Variants in NEGR1 observed in about 807,000 individuals in gnomAD.
NEGR1 encodes the protein neuronal growth regulator 1.
NEGR1 carries 10 observed loss-of-function variants against 40.9 expected under a neutral mutation model. The ratio of observed to expected loss-of-function variants is 0.24; its 90% CI spans 0.15 to 0.42. The LOEUF is 0.42. Ranked by LOEUF, NEGR1 falls within the 10% of genes least tolerant of loss-of-function variation. The probability of loss-of-function intolerance (pLI) is 1.00; values close to 1 mark genes in which losing one functional copy is unlikely to be tolerated. For synonymous variants in NEGR1, 185 were observed against 166.8 expected (o/e 1.11, Z -0.84); for missense variants, 352 against 438.9 (o/e 0.80, Z 1.77).
intron 3 of NEGR1, among the ~76,000 whole-genome samples, chr1:71,738,864 C>T (rs560420244): frequency 1.3e-5 from 2 of 152,176 alleles, no homozygotes; most frequent in East Asian, 1.9e-4. Flanking sequence ...AATGTTTATA[C>T]ATTGTATGTA....
chr1:72,274,130 G>A (rs1156654277), intron 1 of NEGR1, among the ~76,000 whole-genome samples: 4 of 151,818 alleles, frequency 2.6e-5, no homozygotes, highest in Non-Finnish European at 5.9e-5. Context: ...AAGAAGCCAT[G>A]CCTGAGATAC....
At chr1:71,563,518 T>G (rs1648525387) in intron 6 of NEGR1, among the ~76,000 whole-genome samples, 1 of 151,942 alleles carries the variant, frequency 6.6e-6, no homozygotes, top group Non-Finnish European at 1.5e-5. Flanking sequence ...GAGTAAATTA[T>G]CATCTATTAT....
chr1:71,971,985 ATAAT>A (rs1646260369), intron 1 of NEGR1, among the ~76,000 whole-genome samples: 1 of 152,232 alleles, frequency 6.6e-6, no homozygotes, highest in Admixed American at 6.5e-5. Flanking sequence ...TTTTAGGAAA[ATAAT>A]AGAGTAAATG....
At chr1:71,608,273 T>C (rs921303720) in intron 5 of NEGR1, among the ~76,000 whole-genome samples, 1 of 152,206 alleles carries the variant, frequency 6.6e-6, no homozygotes, top group East Asian at 1.9e-4. Context: ...AGCTGCATTT[T>C]TCTATGCGTG....
chr1:71,770,775 G>A (rs1258592011), intron 3 of NEGR1, among the ~76,000 whole-genome samples: 2 of 152,152 alleles, frequency 1.3e-5, no homozygotes. Context: ...AGTTAGAATG[G>A]CAATCATTAA....
In NEGR1 at chr1:71,471,796, G is replaced by C. The variant is rs372343229; in HGVS notation, c.941-64226C>G. ...CCAGAAAAGCCACAGACTCAGCACT[G>C]TCTTGATCAACAGATTGTGTCAGTG... On this transcript the variant is annotated intron_variant, in intron 6 of 6. Transcript: ENST00000357731. 1.1e-4 allele frequency among the ~76,000 whole-genome samples: 16 copies of C among 152,090 alleles called. No individual in the cohort carries two copies. The East Asian group carries it at 1.5e-3, about 15-fold the overall frequency.
At chr1:71,777,499 G>A (rs1656553442) in intron 2 of NEGR1, among the ~76,000 whole-genome samples, 2 of 151,990 alleles carry the variant, frequency 1.3e-5, no homozygotes, top group South Asian at 4.1e-4. Flanking sequence ...CCATAAATAA[G>A]TTTGGGTTAC....
intron 1 of NEGR1, among the ~76,000 whole-genome samples, chr1:72,123,064 T>C (rs1266131014): frequency 6.6e-6 from 1 of 151,928 alleles, no homozygotes; most frequent in Admixed American, 6.6e-5. Flanking sequence ...TGCCAGAAAT[T>C]TTATTTAGGG....
At chr1:72,112,142 G>T (rs1025358830) in intron 1 of NEGR1, among the ~76,000 whole-genome samples, 1 of 151,188 alleles carries the variant, frequency 6.6e-6, no homozygotes, top group African/African-American at 2.4e-5. Context: ...ATAACATAAA[G>T]AAACCTATTT....
chr1:72,275,261 C>A, intron 1 of NEGR1: 1 of 547,264 alleles, frequency 1.8e-6, no homozygotes, highest in Non-Finnish European at 3.2e-6. Context: ...AGTTATACCA[C>A]ATTTTTTTCT....
chr1:71,470,051 A>C (rs937369777), intron 6 of NEGR1, among the ~76,000 whole-genome samples: 1 of 152,126 alleles, frequency 6.6e-6, no homozygotes, highest in Non-Finnish European at 1.5e-5. Flanking sequence ...TGTTTGTGTG[A>C]AATAAAGGGA....
chr1:71,710,511 T>C (rs1654044225), intron 3 of NEGR1, among the ~76,000 whole-genome samples: 1 of 152,208 alleles, frequency 6.6e-6, no homozygotes, highest in African/African-American at 2.4e-5. Flanking sequence ...AAATAAAATG[T>C]GGTACATATA....
chr1:71,440,341 C>T (rs1358580997), intron 6 of NEGR1, among the ~76,000 whole-genome samples: 2 of 152,092 alleles, frequency 1.3e-5, no homozygotes, highest in Non-Finnish European at 2.9e-5. Flanking sequence ...CATTCATTGC[C>T]AACAACCATA....
chr1:71,937,919 AT>A (rs1465864118), intron 1 of NEGR1, among the ~76,000 whole-genome samples: 4 of 152,078 alleles, frequency 2.6e-5, no homozygotes, highest in Non-Finnish European at 4.4e-5. Flanking sequence ...GACTGCAGAG[AT>A]TAACCAGTAG....
intron 2 of NEGR1, among the ~76,000 whole-genome samples, chr1:71,915,469 A>G (rs1371051913): frequency 6.6e-6 from 1 of 152,146 alleles, no homozygotes; most frequent in Non-Finnish European, 1.5e-5. Flanking sequence ...TGCACACACA[A>G]ACCTCTTAAA....
intron 6 of NEGR1, among the ~76,000 whole-genome samples, chr1:71,564,292 C>A (rs1259728870): frequency 6.6e-6 from 1 of 152,054 alleles, no homozygotes; most frequent in Non-Finnish European, 1.5e-5. Flanking sequence ...CACATACACT[C>A]ATAGTATTTG....
At chr1:71,887,576 A>G (rs1660760166) in intron 2 of NEGR1, among the ~76,000 whole-genome samples, 1 of 152,144 alleles carries the variant, frequency 6.6e-6, no homozygotes. Flanking sequence ...CAATACGTAT[A>G]ATGTGCAGTG....
At chr1:72,171,294 A>G (rs1651955004) in intron 1 of NEGR1, among the ~76,000 whole-genome samples, 1 of 152,186 alleles carries the variant, frequency 6.6e-6, no homozygotes, top group South Asian at 2.1e-4. Context: ...AAGATATTAG[A>G]ATGCTATATC....
At chr1:71,605,801 G>A (rs139421697) in intron 5 of NEGR1, among the ~76,000 whole-genome samples, 32 of 152,240 alleles carry the variant, frequency 2.1e-4, no homozygotes, top group African/African-American at 7.7e-4. Flanking sequence ...CATTCCAGGT[G>A]TGCTGAAAGA....
Sources: gnomAD v4.1 joint callset for allele counts (sites outside exome capture counted in the v4.1 genomes callset) on GRCh38, gnomAD v4.1.1 for gene constraint, MANE v1.5 for transcripts, NCBI Gene and HGNC (gene_info 2026-07-23, HGNC 2026-07-21) for gene names.